Variants in EDIL3 observed in about 807,000 individuals in gnomAD.
The protein encoded by EDIL3 is EGF-like repeat and discoidin I-like domain-containing protein 3.
A neutral mutation model predicts 67.4 loss-of-function variants in EDIL3; 37 were observed. The ratio of observed to expected loss-of-function variants is 0.55; its 90% CI spans 0.42 to 0.72. EDIL3 has a LOEUF of 0.72. EDIL3 is among the 30% of genes least tolerant of loss of function. EDIL3 has a pLI of 0.00. For synonymous variants in EDIL3, 195 were observed against 196.3 expected (o/e 0.99, Z 0.05); for missense variants, 527 against 586.3 (o/e 0.90, Z 1.04).
At chr5:84,159,179 TA>T (rs1345931851) in intron 4 of EDIL3, among the ~76,000 whole-genome samples, 3 of 152,066 alleles carry the variant, frequency 2.0e-5, no homozygotes, top group Non-Finnish European at 4.4e-5. Flanking sequence ...AAACATCCAT[TA>T]ACAGAAAAGT....
chr5:84,250,095 C>G (rs1349887657), intron 2 of EDIL3, among the ~76,000 whole-genome samples: 1 of 152,216 alleles, frequency 6.6e-6, no homozygotes, highest in Non-Finnish European at 1.5e-5. Flanking sequence ...CACAAATCCT[C>G]TGGAGAGGGA....
intron 4 of EDIL3, among the ~76,000 whole-genome samples, chr5:84,165,575 G>A (rs1342844632): frequency 1.3e-5 from 2 of 152,100 alleles, no homozygotes; most frequent in African/African-American, 2.4e-5. Context: ...GGAAATAGTA[G>A]CTGACAATGG....
At chr5:84,339,635 T>C (rs1747059662) in intron 1 of EDIL3, among the ~76,000 whole-genome samples, 1 of 152,106 alleles carries the variant, frequency 6.6e-6, no homozygotes. Flanking sequence ...ACATTATATA[T>C]GCTGCTTTTA....
At chr5:84,055,247 G>GCTAGCC (rs1478800252) in intron 9 of EDIL3, among the ~76,000 whole-genome samples, 1 of 146,490 alleles carries the variant, frequency 6.8e-6, no homozygotes, top group Non-Finnish European at 1.5e-5. Flanking sequence ...GGGAAAACTG[G>GCTAGCC]CTAGCCATAT....
chr5:84,212,834 G>C (rs1056828339), intron 3 of EDIL3, among the ~76,000 whole-genome samples: 1 of 152,038 alleles, frequency 6.6e-6, no homozygotes, highest in Non-Finnish European at 1.5e-5. Context: ...TTTCATGGAG[G>C]GAAAGGAAAG....
chr5:84,273,287 C>T (rs1322468444), intron 1 of EDIL3, among the ~76,000 whole-genome samples: 1 of 152,122 alleles, frequency 6.6e-6, no homozygotes, highest in Admixed American at 6.6e-5. Flanking sequence ...AGCCTGAGTT[C>T]CTGAATCAAT....
chr5:83,969,607 G>A (rs1215779796), intron 9 of EDIL3, among the ~76,000 whole-genome samples: 1 of 151,712 alleles, frequency 6.6e-6, no homozygotes, highest in Non-Finnish European at 1.5e-5. Context: ...TGGTGCAACT[G>A]TTTCCTTATA....
intron 9 of EDIL3, among the ~76,000 whole-genome samples, chr5:84,028,502 G>A (rs1185941235): frequency 2.6e-5 from 4 of 152,004 alleles, no homozygotes; most frequent in African/African-American, 9.7e-5. Flanking sequence ...CTCTTTATCT[G>A]ACCCTCAGTT....
chr5:83,985,717 C>T (rs985677409), intron 9 of EDIL3, among the ~76,000 whole-genome samples: 5 of 151,736 alleles, frequency 3.3e-5, no homozygotes, highest in Non-Finnish European at 5.9e-5. Context: ...CTAGCACCAG[C>T]TATACTAGGT....
intron 1 of EDIL3, among the ~76,000 whole-genome samples, chr5:84,280,947 C>CAAAAAAAAAAAAAAAA (rs11302104): frequency 1.4e-5 from 1 of 70,198 alleles, no homozygotes; most frequent in Non-Finnish European, 2.5e-5. Flanking sequence ...AAGACTCTGT[C>CAAAAAAAAAAAAAAAA]AAAAAAAAAA....
chr5:84,251,225 G>A (rs1341431370), intron 2 of EDIL3, among the ~76,000 whole-genome samples: 1 of 152,080 alleles, frequency 6.6e-6, no homozygotes, highest in Non-Finnish European at 1.5e-5. Flanking sequence ...TGATTCTCCT[G>A]CCTCAGCCTC....
At chr5:84,216,904 T>C (rs1437918542) in intron 3 of EDIL3, among the ~76,000 whole-genome samples, 1 of 152,170 alleles carries the variant, frequency 6.6e-6, no homozygotes, top group Non-Finnish European at 1.5e-5. Flanking sequence ...TTGTCCCATT[T>C]CACAGAGGAG....
chr5:84,326,722 T>G (rs1183194148), intron 1 of EDIL3, among the ~76,000 whole-genome samples: 1 of 152,024 alleles, frequency 6.6e-6, no homozygotes, highest in African/African-American at 2.4e-5. Context: ...TTCTTGCTTT[T>G]GTTTCCAATG....
intron 9 of EDIL3, among the ~76,000 whole-genome samples, chr5:84,055,893 T>A (rs1746437109): frequency 6.6e-6 from 1 of 152,178 alleles, no homozygotes; most frequent in Non-Finnish European, 1.5e-5. Flanking sequence ...ATTGTGGAAG[T>A]CAGTGTGGCG....
intron 9 of EDIL3, among the ~76,000 whole-genome samples, chr5:83,978,121 C>CA (rs1744905885): frequency 6.6e-6 from 1 of 151,886 alleles, no homozygotes; most frequent in African/African-American, 2.4e-5. Flanking sequence ...GAAAAGACTA[C>CA]AAACACACTT....
chr5:84,031,666 T>C (rs1745926231), intron 9 of EDIL3, among the ~76,000 whole-genome samples: 1 of 152,184 alleles, frequency 6.6e-6, no homozygotes, highest in Non-Finnish European at 1.5e-5. Context: ...AAGAGTGTCC[T>C]CACCAGAACC....
intron 1 of EDIL3, among the ~76,000 whole-genome samples, chr5:84,346,400 A>G (rs1002516241): frequency 1.4e-4 from 21 of 152,254 alleles, no homozygotes; most frequent in African/African-American, 4.1e-4. Context: ...CTGTGTCCCA[A>G]TAAAACTTTA....
intron 3 of EDIL3, among the ~76,000 whole-genome samples, chr5:84,202,241 G>C (rs1743858614): frequency 6.6e-6 from 1 of 152,108 alleles, no homozygotes; most frequent in Non-Finnish European, 1.5e-5. Flanking sequence ...AGAAACTGCT[G>C]AGATGTAGCC....
At chr5:83,980,676 A>AAT (rs113580835) in intron 9 of EDIL3, among the ~76,000 whole-genome samples, 19,952 of 140,822 alleles carry the variant, frequency 0.14, 1,703 homozygotes, top group East Asian at 0.28. Flanking sequence ...GAAAGATTGA[A>AAT]ATATATATAT....
Sources: gnomAD v4.1 joint callset for allele counts (sites outside exome capture counted in the v4.1 genomes callset) on GRCh38, gnomAD v4.1.1 for gene constraint, MANE v1.5 for transcripts, NCBI Gene and HGNC (gene_info 2026-07-23, HGNC 2026-07-21) for gene names.